Variants in MEP1A observed in about 807,000 individuals in gnomAD.
MEP1A encodes the protein meprin A subunit alpha.
MEP1A carries 68 observed loss-of-function variants against 84.5 expected under a neutral mutation model. The observed-to-expected ratio is 0.80, with a 90% CI of 0.66 to 0.98. The LOEUF is 0.98. Ranked by LOEUF, MEP1A falls within the 50% of genes least tolerant of loss-of-function variation. The pLI, the probability that MEP1A is intolerant of heterozygous loss-of-function variation, is 0.00. For missense variants in MEP1A, 887 were observed against 919.9 expected, an observed-to-expected ratio of 0.96 and a Z score of 0.46; for synonymous variants, 337 against 336.8, an observed-to-expected ratio of 1.00 and a Z score of -0.01.
intron 5 of MEP1A, among the ~76,000 whole-genome samples, chr6:46,808,207 T>C (rs1041439802): frequency 2.0e-5 from 3 of 152,156 alleles, no homozygotes; most frequent in Middle Eastern, 6.8e-3. Context: ...ATATTACAGA[T>C]GTAACTAAGT....
intron 7 of MEP1A, among the ~76,000 whole-genome samples, chr6:46,820,501 C>T (rs768061063): frequency 1.4e-4 from 21 of 152,334 alleles, no homozygotes; most frequent in Admixed American, 6.5e-4. Flanking sequence ...AGCGATTCTC[C>T]TGCCTCAGGG....
Position 46,834,638 on chromosome 6 carries a change from G to A in MEP1A, c.1670G>A (p.Cys557Tyr), listed in dbSNP as rs754292660. 3.7e-6 allele frequency: 6 copies of A among 1,611,092 alleles called. No homozygotes were observed. In the Admixed American group the frequency reaches 5.0e-5, roughly 13 times the overall value. Residue 557 changes from cysteine to tyrosine, a missense_variant, in exon 12 of 14, where the codon TGT becomes TAT. Coordinates refer to ENST00000230588, the MANE Select transcript of MEP1A (RefSeq NM_005588.3). The part of the protein sequence containing the change: ...PSRVGTYHTD[C>Y]NCFRSIDLGW... ...AGGGTGGGAACCTATCATACGGACT[G>A]TAATTGTTTTAGAAGCATCGACTTG...
intron 13 of MEP1A, among the ~76,000 whole-genome samples, chr6:46,838,093 A>G (rs1331802612): frequency 6.7e-6 from 1 of 149,486 alleles, no homozygotes; most frequent in African/African-American, 2.5e-5. Context: ...AGTAGAGATG[A>G]GACCATCTTG....
At position 46,829,591 on chromosome 6, in the gene MEP1A, C is replaced by A. The variant is rs766760840; in HGVS notation, c.1144+20C>A. 5 of 1,580,958 alleles carry A rather than the reference C, an allele frequency of 3.2e-6. No individual in the cohort carries two copies. In the South Asian group the frequency reaches 4.4e-5, roughly 14 times the overall value. Reference sequence around the variant, plus strand: ...TTCAAGGTACTTAGAGGCATTCACACGAGGAATGGATTGGGTTAAAATCCG... The same window carrying A: ...TTCAAGGTACTTAGAGGCATTCACAAGAGGAATGGATTGGGTTAAAATCCG... On this transcript the variant is annotated intron_variant, in intron 10 of 13. Coordinates refer to ENST00000230588, the MANE Select transcript of MEP1A (RefSeq NM_005588.3).
chr6:46,807,646 G>T (rs1767375032), intron 5 of MEP1A, among the ~76,000 whole-genome samples: 1 of 143,478 alleles, frequency 7.0e-6, no homozygotes, highest in African/African-American at 2.6e-5. Context: ...AGGGAGAAAG[G>T]AGAGGAGGAG....
At chr6:46,820,370 A>T (rs1767739577) in intron 7 of MEP1A, among the ~76,000 whole-genome samples, 1 of 152,066 alleles carries the variant, frequency 6.6e-6, no homozygotes, top group Non-Finnish European at 1.5e-5. Flanking sequence ...TATTATTTTA[A>T]CTATTTCATT....
intron 10 of MEP1A, among the ~76,000 whole-genome samples, chr6:46,830,622 T>A (rs893541983): frequency 6.6e-6 from 1 of 152,218 alleles, no homozygotes; most frequent in African/African-American, 2.4e-5. Context: ...AGCATCCAAC[T>A]GCCTACCTTA....
chr6:46,845,018 G>A, the MEP1A span, among the ~76,000 whole-genome samples: 15 of 152,140 alleles, frequency 9.9e-5, no homozygotes, highest in African/African-American at 3.4e-4. Context: ...CATGTAAGAC[G>A]TGCCTTGCTT....
intron 5 of MEP1A, among the ~76,000 whole-genome samples, chr6:46,804,892 G>T (rs1767280733): frequency 6.6e-6 from 1 of 151,712 alleles, no homozygotes; most frequent in Non-Finnish European, 1.5e-5. Flanking sequence ...CTTCATAGGT[G>T]AATTTAACCT....
intron 6 of MEP1A, among the ~76,000 whole-genome samples, chr6:46,812,223 T>C (rs1767520517): frequency 6.6e-6 from 1 of 152,110 alleles, no homozygotes. Flanking sequence ...TCCAGGAATT[T>C]ATCCATCTCT....
rs1020442939 is a variant in MEP1A at position 46,805,166 on chromosome 6, A to G, written c.263-4254A>G. On this transcript the variant is annotated intron_variant, in intron 5 of 13. Transcript: ENST00000230588. ...ATATTCTTTTATGAAATATATTCTC[A>G]TATCTCTGGTGTAAATAAGAATAAA... 5.3e-5 allele frequency among the ~76,000 whole-genome samples: 8 copies of G among 151,852 alleles called. No individual in the cohort carries two copies. In the East Asian group the frequency reaches 1.5e-3, roughly 29 times the overall value.
chr6:46,799,116 A>G lies in MEP1A; in HGVS notation c.197A>G (p.Asn66Ser), dbSNP rs202088854. 7.4e-6 allele frequency: 12 copies of G among 1,612,494 alleles called. No individual in the cohort carries two copies. Among genetic ancestry groups the G allele is most frequent in the East Asian group, 4.5e-5 (2 of 44,854 alleles). Residue 66 changes from asparagine to serine, a missense_variant, in exon 5 of 14, where the codon AAT becomes AGT. Asn to Ser is a conservative substitution (Grantham distance 46, BLOSUM62 1). Coordinates refer to ENST00000230588, the MANE Select transcript of MEP1A (RefSeq NM_005588.3). ...CCTTTGTTTTCACAGAAATCCAGAAATGGCCTGAGAGACCCAAACACCAGG... is the reference window on the plus strand; with the variant it reads ...CCTTTGTTTTCACAGAAATCCAGAAGTGGCCTGAGAGACCCAAACACCAGG... ...QGDILLQKSR[N>S]GLRDPNTRWT...
At chr6:46,835,674 G>A in intron 13 of MEP1A, 125 bp downstream of exon 13, 2 of 1,047,890 alleles carry the variant, frequency 1.9e-6, no homozygotes, top group Non-Finnish European at 2.8e-6. Flanking sequence ...ACTGAATGCG[G>A]TTTTCTTTGA....
intron 3 of MEP1A, among the ~76,000 whole-genome samples, chr6:46,796,520 T>C (rs567275519): frequency 1.6e-4 from 24 of 152,360 alleles, no homozygotes; most frequent in African/African-American, 5.5e-4. Context: ...CAGTTATTTG[T>C]TTATTTGTAT....
chr6:46,839,903 A>G (rs563275114), downstream of MEP1A: 1 of 152,298 alleles, frequency 6.6e-6, no homozygotes, highest in South Asian at 2.1e-4. Context: ...CTATTTATGT[A>G]CAACATTATC....
chr6:46,802,477 T>C (rs983319343), intron 5 of MEP1A, among the ~76,000 whole-genome samples: 9 of 151,892 alleles, frequency 5.9e-5, no homozygotes, highest in African/African-American at 2.2e-4. Flanking sequence ...GATTTGTAGA[T>C]TTTTTTAGGA....
chr6:46,803,699 T>A (rs1695930669), intron 5 of MEP1A, among the ~76,000 whole-genome samples: 1 of 151,074 alleles, frequency 6.6e-6, no homozygotes, highest in South Asian at 2.1e-4. Flanking sequence ...CTTCATTTTT[T>A]CTAATGTAAT....
At chr6:46,794,389 G>A (rs780142820) in intron 3 of MEP1A, among the ~76,000 whole-genome samples, 1 of 152,180 alleles carries the variant, frequency 6.6e-6, no homozygotes, top group African/African-American at 2.4e-5. Flanking sequence ...ATATGCAATT[G>A]CATATTTATT....
At chr6:46,844,142 A>C (rs756956686), downstream of MEP1A, among the ~76,000 whole-genome samples, 11 of 152,222 alleles carry the variant, frequency 7.2e-5, no homozygotes, top group Non-Finnish European at 1.5e-4. Flanking sequence ...GTTTTTCAAA[A>C]GTCTCTAAGC....
Sources: gnomAD v4.1 joint callset for allele counts (sites outside exome capture counted in the v4.1 genomes callset) on GRCh38, gnomAD v4.1.1 for gene constraint, MANE v1.5 for transcripts, NCBI Gene and HGNC (gene_info 2026-07-23, HGNC 2026-07-21) for gene names.